NLGN1: variants seen among roughly 807,000 people sequenced by gnomAD.
NLGN1 encodes neuroligin 1.
In NLGN1, 12 loss-of-function variants were observed where a neutral mutation model predicts 65.5. The observed-to-expected ratio is 0.18, with a 90% CI of 0.12 to 0.30. The LOEUF (loss-of-function observed/expected upper bound fraction) is 0.30. NLGN1 is among the 10% of genes least tolerant of loss of function. NLGN1 has a pLI of 1.00. For missense variants in NLGN1, 750 were observed against 1,007.1 expected (o/e 0.74, Z 3.46); for synonymous variants, 350 against 359.5 (o/e 0.97, Z 0.30).
At chr3:174,205,191 T>C (rs1735174112) in intron 4 of NLGN1, among the ~76,000 whole-genome samples, 1 of 152,214 alleles carries the variant, frequency 6.6e-6, no homozygotes, top group South Asian at 2.1e-4. Flanking sequence ...AGGAATCCAC[T>C]GAAATTTCCT....
intron 3 of NLGN1, among the ~76,000 whole-genome samples, chr3:173,698,061 A>G (rs900906785): frequency 6.6e-6 from 1 of 151,836 alleles, no homozygotes. Context: ...ACTTATTTAT[A>G]TATGCTTTAT....
chr3:173,558,819 T>C (rs1742155795), intron 2 of NLGN1, among the ~76,000 whole-genome samples: 1 of 152,210 alleles, frequency 6.6e-6, no homozygotes, highest in Non-Finnish European at 1.5e-5. Context: ...CTTCTTCATA[T>C]ATCTCATAAT....
intron 4 of NLGN1, among the ~76,000 whole-genome samples, chr3:174,141,631 A>G (rs1722290473): frequency 1.3e-5 from 2 of 152,192 alleles, no homozygotes; most frequent in African/African-American, 4.8e-5. Flanking sequence ...TGGTTCATTA[A>G]GTCAACAAAT....
chr3:174,013,615 G>A (rs574835027), intron 4 of NLGN1, among the ~76,000 whole-genome samples: 46 of 152,296 alleles, frequency 3.0e-4, no homozygotes, highest in African/African-American at 1.0e-3. Context: ...AAGCGTATGT[G>A]ATGCCTCACA....
intron 3 of NLGN1, among the ~76,000 whole-genome samples, chr3:173,803,408 C>T (rs1042825841): frequency 4.6e-5 from 7 of 151,938 alleles, no homozygotes; most frequent in African/African-American, 1.7e-4. Flanking sequence ...CACTTGAAAT[C>T]AGGAGTAGGA....
intron 3 of NLGN1, among the ~76,000 whole-genome samples, chr3:173,737,992 C>T (rs987736167): frequency 1.3e-5 from 2 of 151,882 alleles, no homozygotes; most frequent in African/African-American, 2.4e-5. Flanking sequence ...TTTGTATTTC[C>T]CTGAAGGCTA....
At chr3:174,101,309 C>G (rs10936776) in intron 4 of NLGN1, among the ~76,000 whole-genome samples, 17,269 of 152,028 alleles carry the variant, frequency 0.11, 1,030 homozygotes, top group East Asian at 0.16. Flanking sequence ...TTGGACTCCA[C>G]CAAAGGAGCA....
At chr3:173,936,953 T>A (rs1356248395) in intron 4 of NLGN1, among the ~76,000 whole-genome samples, 2 of 152,098 alleles carry the variant, frequency 1.3e-5, no homozygotes, top group Non-Finnish European at 2.9e-5. Flanking sequence ...TTAACTAAAG[T>A]AGCATGTAAA....
chr3:173,769,402 C>T (rs1401065424), intron 3 of NLGN1, among the ~76,000 whole-genome samples: 3 of 152,168 alleles, frequency 2.0e-5, no homozygotes, highest in Admixed American at 6.5e-5. Context: ...CATCTCCCAA[C>T]ATTCCCCCAA....
chr3:173,746,974 G>C (rs1775485157), intron 3 of NLGN1, among the ~76,000 whole-genome samples: 1 of 151,534 alleles, frequency 6.6e-6, no homozygotes, highest in Admixed American at 6.6e-5. Context: ...CAGGAGAATA[G>C]CTTGAACCCA....
Position 174,279,452 on chromosome 3 carries a change from A to T in NLGN1, c.1451A>T (p.Tyr484Phe). The stretch of plus-strand genomic sequence containing the variant: ...CACTCAAACTTTGGTTCACCTACGT[A>T]CTTCTATGCCTTTTACCATCATTGC... Residue 484 changes from tyrosine (Y) to phenylalanine (F), a missense_variant, in exon 6 of 7, where the codon TAC (tyrosine) becomes TTC (phenylalanine). Coordinates refer to ENST00000457714, the Ensembl canonical transcript of NLGN1. The surrounding 1 kb of genome is among the most constrained non-coding windows in gnomAD (Gnocchi z 4.7). 6.2e-7 allele frequency: 1 copy of T among 1,613,232 alleles called. No homozygotes were observed. Among genetic ancestry groups the T allele is most frequent in the Non-Finnish European group, 8.5e-7 (1 of 1,179,538 alleles).
At chr3:173,722,764 A>T (rs1485228668) in intron 3 of NLGN1, among the ~76,000 whole-genome samples, 2 of 152,190 alleles carry the variant, frequency 1.3e-5, no homozygotes, top group Non-Finnish European at 1.5e-5. Context: ...ATCATTAATG[A>T]TAATGTTAAT....
intron 4 of NLGN1, among the ~76,000 whole-genome samples, chr3:173,848,382 A>G (rs546374679): frequency 2.0e-5 from 3 of 152,338 alleles, no homozygotes; most frequent in South Asian, 2.1e-4. Context: ...GAGCAGAGAT[A>G]TGATTCAGTC....
At chr3:173,675,887 TCACA>T (rs35370304) in intron 3 of NLGN1, among the ~76,000 whole-genome samples, 2,442 of 138,584 alleles carry the variant, frequency 0.018, 28 homozygotes, top group Non-Finnish European at 0.027. Flanking sequence ...TCTCTCTCTC[TCACA>T]CACACACACA....
At chr3:174,087,837 T>A (rs1413588328) in intron 4 of NLGN1, among the ~76,000 whole-genome samples, 1 of 152,266 alleles carries the variant, frequency 6.6e-6, no homozygotes, top group African/African-American at 2.4e-5. Context: ...ATGTGTTTAA[T>A]TTCTCTTAGT....
chr3:173,523,707 C>T (rs1735153238), intron 2 of NLGN1, among the ~76,000 whole-genome samples: 1 of 151,264 alleles, frequency 6.6e-6, no homozygotes, highest in African/African-American at 2.4e-5. Flanking sequence ...CAGATTTTTT[C>T]TTATTGTTTA....
chr3:173,503,070 G>A lies in NLGN1; in HGVS notation c.-321+67992G>A, dbSNP rs368753549. ...CAATTAACATGCCATATAGATGTAT[G>A]TATATGGCATGTTGTGTGTGTGTGT... On this transcript the variant is annotated intron_variant, in intron 2 of 6. Coordinates refer to ENST00000457714, the Ensembl canonical transcript of NLGN1. 4.3e-4 allele frequency among the ~76,000 whole-genome samples: 65 copies of A among 151,752 alleles called. 1 individual carries two copies. In the Middle Eastern group the frequency reaches 0.014, roughly 32 times the overall value.
chr3:173,940,399 A>T (rs891669227), intron 4 of NLGN1, among the ~76,000 whole-genome samples: 1 of 152,062 alleles, frequency 6.6e-6, no homozygotes, highest in Non-Finnish European at 1.5e-5. Context: ...TCAAATAGTT[A>T]TATCTTGTAG....
chr3:174,001,353 G>T (rs1343821914), intron 4 of NLGN1, among the ~76,000 whole-genome samples: 2 of 151,824 alleles, frequency 1.3e-5, no homozygotes, highest in East Asian at 3.9e-4. Flanking sequence ...AAAAAAATCA[G>T]AAAATTGGGA....
Sources: gnomAD v4.1 joint callset for allele counts (sites outside exome capture counted in the v4.1 genomes callset) on GRCh38, gnomAD v4.1.1 for gene constraint, Gnocchi (gnomAD v3.1) non-coding constraint, MANE v1.5 for transcripts, NCBI Gene and HGNC (gene_info 2026-07-23, HGNC 2026-07-21) for gene names.